Variants in AGBL3 observed in about 807,000 individuals in gnomAD.
AGBL3 encodes cytosolic carboxypeptidase 3.
A neutral mutation model predicts 94.5 loss-of-function variants in AGBL3; 68 were observed. The observed-to-expected ratio is 0.72, with a 90% CI of 0.59 to 0.88. AGBL3 has a LOEUF of 0.88. AGBL3 is among the 40% of genes least tolerant of loss of function. AGBL3 has a pLI of 0.00. For synonymous variants in AGBL3, 354 were observed against 370.7 expected (o/e 0.95, Z 0.52); for missense variants, 934 against 1,103.8 (o/e 0.85, Z 2.18).
At chr7:135,084,804 T>C (rs1821199477) in intron 15 of AGBL3, among the ~76,000 whole-genome samples, 2 of 152,138 alleles carry the variant, frequency 1.3e-5, no homozygotes, top group African/African-American at 2.4e-5. Context: ...GCAATGACCA[T>C]GAGAGTGCAG....
intron 4 of AGBL3, among the ~76,000 whole-genome samples, chr7:135,002,708 G>A (rs980758017): frequency 3.9e-5 from 6 of 152,162 alleles, no homozygotes; most frequent in Non-Finnish European, 8.8e-5. Context: ...GGCCATCTGA[G>A]TGCTGCACAA....
At chr7:134,989,588 C>G (rs1179088175) in intron 3 of AGBL3, among the ~76,000 whole-genome samples, 4 of 152,100 alleles carry the variant, frequency 2.6e-5, no homozygotes, top group African/African-American at 9.7e-5. Flanking sequence ...CTGTATGACT[C>G]AAGTTATAAC....
intron 15 of AGBL3, among the ~76,000 whole-genome samples, chr7:135,082,301 T>A (rs992193830): frequency 6.6e-6 from 1 of 152,124 alleles, no homozygotes; most frequent in Non-Finnish European, 1.5e-5. Context: ...TTTCCCCAAT[T>A]CTCCTTGAAA....
At chr7:135,024,987 T>C (rs541862234) in intron 5 of AGBL3, among the ~76,000 whole-genome samples, 29 of 151,710 alleles carry the variant, frequency 1.9e-4, no homozygotes, top group Middle Eastern at 6.8e-3. Context: ...ATTCCAAACC[T>C]ATGACCCATT....
intron 3 of AGBL3, among the ~76,000 whole-genome samples, chr7:134,990,582 A>G (rs980782113): frequency 3.3e-5 from 5 of 152,182 alleles, no homozygotes; most frequent in African/African-American, 1.2e-4. Context: ...TTGTGTGAAC[A>G]TGTTTTTGTT....
chr7:135,090,450 A>G (rs1263679443), intron 15 of AGBL3, among the ~76,000 whole-genome samples: 12 of 152,116 alleles, frequency 7.9e-5, no homozygotes, highest in Admixed American at 6.5e-5. Flanking sequence ...GACACAGGGT[A>G]CTACGTCAGC....
At chr7:135,042,802 T>C (rs1445417451) in intron 8 of AGBL3, among the ~76,000 whole-genome samples, 1 of 152,140 alleles carries the variant, frequency 6.6e-6, no homozygotes, top group Admixed American at 6.6e-5. Context: ...TCTCAGCTAT[T>C]TGGGAGACTG....
intron 13 of AGBL3, among the ~76,000 whole-genome samples, chr7:135,078,325 G>A (rs1435418841): frequency 6.6e-6 from 1 of 152,194 alleles, no homozygotes; most frequent in Non-Finnish European, 1.5e-5. Flanking sequence ...AGGGAGCAGA[G>A]ATGGCTATAA....
intron 16 of AGBL3, among the ~76,000 whole-genome samples, chr7:135,119,313 T>A (rs577181271): frequency 6.6e-6 from 1 of 151,900 alleles, no homozygotes; most frequent in South Asian, 2.1e-4. Flanking sequence ...CACTGAAACC[T>A]CCGCCTCCTG....
At chr7:135,094,434 T>G (rs1211430248) in intron 15 of AGBL3, 1 of 456,692 alleles carries the variant, frequency 2.2e-6, no homozygotes. Flanking sequence ...ACAGTGATTT[T>G]AACAAATTGC....
chr7:135,114,238 G>A (rs925941170), intron 15 of AGBL3, among the ~76,000 whole-genome samples: 9 of 152,018 alleles, frequency 5.9e-5, no homozygotes, highest in African/African-American at 1.7e-4. Context: ...TGGGTCATAT[G>A]GTAATCCTAT....
chr7:135,044,162 G>C lies in AGBL3; in HGVS notation c.1627+11G>C. 1 of 1,542,804 alleles carries C rather than the reference G, an allele frequency of 6.5e-7. No homozygotes were observed. The highest frequency in any genetic ancestry group is 8.8e-7 in the Non-Finnish European group (1 of 1,142,350). ...GTGGATCTACTCTGGGTAAGACCAA[G>C]GGTTCTCATTCACAGCTCTCAAAGC... On this transcript the variant is annotated intron_variant, in intron 9 of 16. Coordinates refer to ENST00000436302, the MANE Select transcript of AGBL3 (RefSeq NM_178563.4).
chr7:135,067,788 A>G lies in AGBL3; in HGVS notation c.1908+8553A>G, dbSNP rs1170023853. On this transcript the variant is annotated intron_variant, in intron 12 of 16. Transcript: ENST00000436302. ...GGTAGATAAAACCACAAAGATGGGG[A>G]AAAAACAGAGCAGAAAAACTGGAAA... Among the ~76,000 whole-genome samples, 7 of 152,332 alleles carry G rather than the reference A, an allele frequency of 4.6e-5. No individual in the cohort carries two copies. In the East Asian group the frequency reaches 9.7e-4, roughly 21 times the overall value.
In AGBL3 at chr7:135,128,278, T is replaced by A. The variant is rs533304399; in HGVS notation, c.2343-6563T>A. Reference sequence around the variant, plus strand: ...CTGCACTCCAGCCTGGGCAACAGAGTGAGACTCCATCTCAAAAAAAAAAAA... The same window carrying A: ...CTGCACTCCAGCCTGGGCAACAGAGAGAGACTCCATCTCAAAAAAAAAAAA... On this transcript the variant is annotated intron_variant, in intron 16 of 16. Transcript: ENST00000436302. 2.9e-4 allele frequency among the ~76,000 whole-genome samples: 29 copies of A among 100,456 alleles called. 1 individual carries two copies. Among genetic ancestry groups the A allele is most frequent in the Admixed American group, 3.4e-4 (2 of 5,818 alleles). The allele number at this position is 100,456 out of a possible 152,430, so 65.9% of individuals were successfully genotyped here.
chr7:135,077,021 A>G lies in AGBL3; in HGVS notation c.1980+553A>G, dbSNP rs528810205. On this transcript the variant is annotated intron_variant, in intron 13 of 16. Transcript: ENST00000436302. The stretch of plus-strand genomic sequence containing the variant: ...AACTGTGAGAGCCTGTGGTATTTCA[A>G]TCAAGACTGCCTCTTCCTCTACCCC... Among the ~76,000 whole-genome samples the G allele has an allele frequency of 1.5e-4, 23 of 152,334 alleles. 1 individual carries two copies. The highest frequency in any genetic ancestry group is 6.8e-3 in the Middle Eastern group (2 of 294).
At chr7:135,055,614 A>G (rs1419401299) in intron 11 of AGBL3, among the ~76,000 whole-genome samples, 1 of 152,138 alleles carries the variant, frequency 6.6e-6, no homozygotes, top group Non-Finnish European at 1.5e-5. Context: ...AATAAATCCT[A>G]TTTGGTCATG....
At chr7:135,063,432 G>A (rs950293804) in intron 12 of AGBL3, among the ~76,000 whole-genome samples, 2 of 151,748 alleles carry the variant, frequency 1.3e-5, no homozygotes, top group Admixed American at 6.6e-5. Context: ...GTAACACTAG[G>A]TTGTGTATTT....
intron 12 of AGBL3, among the ~76,000 whole-genome samples, chr7:135,067,218 T>G (rs923335507): frequency 4.6e-5 from 7 of 151,882 alleles, no homozygotes; most frequent in African/African-American, 7.3e-5. Context: ...GAGGCTTGAG[T>G]AGGTAAACAA....
At chr7:135,083,594 G>A (rs997162726) in intron 15 of AGBL3, among the ~76,000 whole-genome samples, 4 of 151,832 alleles carry the variant, frequency 2.6e-5, no homozygotes, top group Non-Finnish European at 4.4e-5. Context: ...ATTTTGTATC[G>A]TATATAATTC....
Sources: allele counts gnomAD v4.1 joint callset (sites outside exome capture counted in the v4.1 genomes callset), GRCh38; gene constraint gnomAD v4.1.1; transcripts MANE v1.5; gene names NCBI Gene and HGNC (gene_info 2026-07-23, HGNC 2026-07-21).